Variants in MPDZ observed in about 807,000 individuals in gnomAD.
MPDZ encodes multiple PDZ domain crumbs cell polarity complex component, also known as multiple PDZ domain protein.
MPDZ carries 234 observed loss-of-function variants against 239.1 expected under a neutral mutation model. The ratio of observed to expected loss-of-function variants is 0.98; its 90% confidence interval spans 0.88 to 1.09. The LOEUF (loss-of-function observed/expected upper bound fraction) is 1.09, where lower values mean the gene tolerates loss of function less well. Among genes scored for constraint, MPDZ ranks in the 50% least tolerant of loss-of-function variants. The probability of loss-of-function intolerance (pLI) is 0.00; values close to 1 mark genes in which losing one functional copy is unlikely to be tolerated. For synonymous variants in MPDZ, 1,048 were observed against 881.3 expected, an observed-to-expected ratio of 1.19 and a Z score of -3.35; for missense variants, 3,175 against 2,510.0, an observed-to-expected ratio of 1.26 and a Z score of -5.66.
chr9:13,169,951 C>A (rs755362838), intron 21 of MPDZ, among the ~76,000 whole-genome samples: 2 of 152,160 alleles, frequency 1.3e-5, no homozygotes, highest in Admixed American at 1.3e-4. Context: ...AAGTCCTTCT[C>A]AACAGACTCT....
intron 1 of MPDZ, among the ~76,000 whole-genome samples, chr9:13,260,810 C>G (rs2138692920): frequency 6.6e-6 from 1 of 152,314 alleles, no homozygotes; most frequent in Non-Finnish European, 1.5e-5. Context: ...AGACCTTGAT[C>G]TTAGACCTTT....
rs1950019581 is a variant in MPDZ at position 13,157,927 on chromosome 9, G to A, written c.3452+91C>T. ...AACAACTCACCCGATATAACAAGAA[G>A]CAAGTTGTAATCCAGTACTTGAAAC... On this transcript the variant is annotated intron_variant, in intron 24 of 46. Transcript: ENST00000319217. The A allele has an allele frequency of 1.6e-5, 17 of 1,048,788 alleles. 1 individual carries two copies. In the South Asian group the frequency reaches 2.2e-4, roughly 13 times the overall value. 65.0% of individuals were successfully genotyped at this position (1,048,788 alleles called of 1,614,324 possible).
At chr9:13,259,429 G>A (rs757890179) in intron 1 of MPDZ, among the ~76,000 whole-genome samples, 3 of 152,126 alleles carry the variant, frequency 2.0e-5, no homozygotes, top group Non-Finnish European at 2.9e-5. Flanking sequence ...AAATACACAT[G>A]GGGCACTTAC....
intron 45 of MPDZ, 103 bp from the exon 46 acceptor site, chr9:13,109,162 T>C (rs1397619112): frequency 5.3e-6 from 5 of 947,556 alleles, no homozygotes; most frequent in Non-Finnish European, 6.9e-6. Flanking sequence ...CATAATTCTC[T>C]TTGTTACTGA....
chr9:13,179,751 T>C (rs1953026024), intron 19 of MPDZ, among the ~76,000 whole-genome samples: 1 of 152,146 alleles, frequency 6.6e-6, no homozygotes. Flanking sequence ...TAAATTAAAA[T>C]GTCAAATATA....
At chr9:13,206,753 A>C (rs902721739) in intron 10 of MPDZ, among the ~76,000 whole-genome samples, 10 of 152,232 alleles carry the variant, frequency 6.6e-5, no homozygotes, top group African/African-American at 2.2e-4. Context: ...CATGTTGGCC[A>C]GGATGGTCTC....
At position 13,176,313 on chromosome 9, in the gene MPDZ, C is replaced by G. The variant is rs2274856; in HGVS notation, c.2754G>C (p.Ser918=). ...AAGCAGGCCCCATACTTATGTCCACCGAAGGTGTATTCTCATCCTGTCTTT... is the reference window on the plus strand; with the variant it reads ...AAGCAGGCCCCATACTTATGTCCACGGAAGGTGTATTCTCATCCTGTCTTT... ...LLQRQDENTP[S]VDISMGPASG... is the part of the protein sequence containing the mutation. Residue 918 remains serine, a synonymous_variant, in exon 20 of 47, where the codon TCG becomes TCC. Transcript: ENST00000319217. 1.2e-6 allele frequency: 2 copies of G among 1,608,216 alleles called. No homozygotes were observed. Among genetic ancestry groups the G allele is most frequent in the Non-Finnish European group, 1.7e-6 (2 of 1,176,946 alleles).
intron 1 of MPDZ, among the ~76,000 whole-genome samples, chr9:13,269,401 G>A (rs1972482688): frequency 6.6e-6 from 1 of 152,036 alleles, no homozygotes; most frequent in African/African-American, 2.4e-5. Context: ...TTTTCTCTCA[G>A]GGCTATATCC....
At chr9:13,183,125 T>G (rs1349218687) in intron 19 of MPDZ, among the ~76,000 whole-genome samples, 1 of 152,114 alleles carries the variant, frequency 6.6e-6, no homozygotes, top group East Asian at 1.9e-4. Context: ...AAAACACAAC[T>G]TGAGAAATAT....
At chr9:13,133,976 C>T in intron 31 of MPDZ, 72 bp from the exon 32 acceptor site, 2 of 657,492 alleles carry the variant, frequency 3.0e-6, no homozygotes, top group African/African-American at 1.9e-5. Flanking sequence ...AATATAAAGG[C>T]CACTTATTCA....
intron 10 of MPDZ, among the ~76,000 whole-genome samples, chr9:13,215,948 T>G (rs1173885629): frequency 1.2e-5 from 1 of 83,600 alleles, no homozygotes; most frequent in Admixed American, 1.2e-4. Context: ...GCAATTTGTT[T>G]TTTTTTTTTT....
chr9:13,237,361 C>T (rs1422371513), intron 3 of MPDZ, among the ~76,000 whole-genome samples: 1 of 148,360 alleles, frequency 6.7e-6, no homozygotes, highest in Non-Finnish European at 1.5e-5. Context: ...CACGGGAGCC[C>T]AAGAGGTCGA....
intron 24 of MPDZ, among the ~76,000 whole-genome samples, chr9:13,153,844 A>T (rs1488906587): frequency 6.6e-6 from 1 of 152,134 alleles, no homozygotes; most frequent in Non-Finnish European, 1.5e-5. Flanking sequence ...AGGAAAGAAA[A>T]TGTCTCCAAG....
In MPDZ at chr9:13,109,052, G is replaced by A; in HGVS notation, c.5950C>T (p.Gln1984Ter). ...CGCTCTAGTGTAATAGACTTACATT[G>A]AGGAGGTCTACGGTGAAGGAAAGGA... ...SIFQDDLGPPQCKSITLERGP... is the reference protein window; with the variant it reads ...SIFQDDLGPP The change falls in exon 46 of 47, where the codon CAA becomes TAA. Residue 1984 changes from glutamine (Q) to a stop codon, truncating the protein, a stop_gained. Coordinates refer to ENST00000319217, the MANE Select transcript of MPDZ (RefSeq NM_001378778.1). LOFTEE classifies it high-confidence loss of function. 3 of 1,501,604 alleles carry A rather than the reference G, an allele frequency of 2.0e-6. No homozygotes were observed. Among genetic ancestry groups the A allele is most frequent in the South Asian group, 2.8e-5 (2 of 70,270 alleles). 93.0% of individuals were successfully genotyped at this position (1,501,604 alleles called of 1,614,324 possible).
intron 41 of MPDZ, among the ~76,000 whole-genome samples, 197 bp from the exon 42 acceptor site, chr9:13,113,251 T>C (rs1942803642): frequency 6.6e-6 from 1 of 152,146 alleles, no homozygotes; most frequent in Admixed American, 6.5e-5. Flanking sequence ...AAAACGTGTA[T>C]ACCATCCCAT....
At chr9:13,236,249 G>GTGTGTATATATATA (rs1329605248) in intron 3 of MPDZ, among the ~76,000 whole-genome samples, 4 of 35,850 alleles carry the variant, frequency 1.1e-4, no homozygotes, top group African/African-American at 4.7e-4. Context: ...GTGTGTGTGT[G>GTGTGTATATATATA]TATATATATA....
intron 12 of MPDZ, among the ~76,000 whole-genome samples, chr9:13,197,025 G>T (rs1288746915): frequency 6.6e-6 from 1 of 151,734 alleles, no homozygotes; most frequent in African/African-American, 2.4e-5. Context: ...AAAAAATTCA[G>T]ATTTCTTATT....
chr9:13,198,446 A>AT (rs1036286729), intron 12 of MPDZ, among the ~76,000 whole-genome samples: 12 of 151,414 alleles, frequency 7.9e-5, no homozygotes, highest in African/African-American at 2.4e-4. Flanking sequence ...AGATTATTTG[A>AT]TTTTTTTTCT....
At chr9:13,113,845 A>C (rs2131250802) in intron 41 of MPDZ, 86 bp downstream of exon 41, 1 of 1,037,140 alleles carries the variant, frequency 9.6e-7, no homozygotes. Flanking sequence ...ATTTGGGGGA[A>C]AAGAAAGCTC....
Sources: allele counts gnomAD v4.1 joint callset (sites outside exome capture counted in the v4.1 genomes callset), GRCh38; gene constraint gnomAD v4.1.1; transcripts MANE v1.5; gene names NCBI Gene and HGNC (gene_info 2026-07-23, HGNC 2026-07-21).